PTPRN2: variants seen among roughly 807,000 people sequenced by gnomAD.
The protein encoded by PTPRN2 is protein tyrosine phosphatase receptor type N2, also known as receptor-type tyrosine-protein phosphatase N2.
A neutral mutation model predicts 118.8 loss-of-function variants in PTPRN2; 74 were observed. That is an observed-to-expected ratio of 0.62 (90% CI 0.52 to 0.76). The LOEUF (loss-of-function observed/expected upper bound fraction) is 0.76, where lower values mean the gene tolerates loss of function less well. PTPRN2 is among the 30% of genes least tolerant of loss of function. PTPRN2 has a pLI of 0.00. For synonymous variants in PTPRN2, 641 were observed against 608.0 expected, an observed-to-expected ratio of 1.05 and a Z score of -0.80; for missense variants, 1,481 against 1,394.4, an observed-to-expected ratio of 1.06 and a Z score of -0.99.
intron 11 of PTPRN2, among the ~76,000 whole-genome samples, chr7:157,934,651 CGAT>C (rs1312071387): frequency 6.6e-6 from 1 of 152,212 alleles, no homozygotes; most frequent in East Asian, 1.9e-4. Flanking sequence ...CTTCACTTGG[CGAT>C]GATGAGCAAA....
chr7:158,319,438 C>T (rs1395006580), intron 2 of PTPRN2, among the ~76,000 whole-genome samples: 12 of 132,214 alleles, frequency 9.1e-5, no homozygotes, highest in African/African-American at 2.1e-4. Context: ...ACACACACAG[C>T]CTCCCTCACA....
chr7:158,094,258 C>T (rs990884192), intron 10 of PTPRN2, among the ~76,000 whole-genome samples: 4 of 152,156 alleles, frequency 2.6e-5, no homozygotes, highest in Admixed American at 6.5e-5. Context: ...AGCAGCAGAA[C>T]GCTCGCCATT....
At chr7:157,669,286 C>A (rs931650460) in intron 13 of PTPRN2, among the ~76,000 whole-genome samples, 3 of 152,258 alleles carry the variant, frequency 2.0e-5, no homozygotes, top group Non-Finnish European at 4.4e-5. Flanking sequence ...TGATCTAAGC[C>A]GGGGACGTCC....
chr7:158,195,775 T>C (rs555952725), intron 4 of PTPRN2, among the ~76,000 whole-genome samples: 8 of 152,368 alleles, frequency 5.3e-5, no homozygotes, highest in Admixed American at 2.0e-4. Flanking sequence ...GTGTCAGTTC[T>C]GTGTCTACAC....
At chr7:157,958,343 TGAG>T (rs1470168013) in intron 11 of PTPRN2, among the ~76,000 whole-genome samples, 5 of 152,084 alleles carry the variant, frequency 3.3e-5, no homozygotes, top group Non-Finnish European at 7.3e-5. Flanking sequence ...AGGAACAATA[TGAG>T]GAGGCCTGCT....
At chr7:158,190,031 C>T (rs980823093) in intron 5 of PTPRN2, among the ~76,000 whole-genome samples, 15 of 152,222 alleles carry the variant, frequency 9.9e-5, no homozygotes, top group East Asian at 1.9e-4. Context: ...TCATCAGAGT[C>T]GGAGACCTCC....
intron 9 of PTPRN2, among the ~76,000 whole-genome samples, chr7:158,117,013 G>GCAAGAAACAAGAAACAAAGAAA (rs1195264656): frequency 1.3e-5 from 2 of 151,916 alleles, no homozygotes; most frequent in Non-Finnish European, 2.9e-5. Context: ...ACAAAAAATT[G>GCAAGAAACAAGAAACAAAGAAA]CAAGAAACAA....
In PTPRN2 at chr7:158,555,250, G is replaced by A. The variant is rs1586932579; in HGVS notation, c.112+32308C>T. On this transcript the variant is annotated intron_variant, in intron 1 of 22. Coordinates refer to ENST00000389418, the MANE Select transcript of PTPRN2 (RefSeq NM_002847.5). This position sits in a 1 kb window ranked among gnomAD's most constrained non-coding sequence, Gnocchi z 4.7. ...TCCATCTTCAGCAGCTCTTACGACT[G>A]CAAGATCCCACAGCTGCCTTTTGGG... 6.6e-6 allele frequency among the ~76,000 whole-genome samples: 1 copy of A among 152,244 alleles called. No individual in the cohort carries two copies. Among genetic ancestry groups the A allele is most frequent in the African/African-American group, 2.4e-5 (1 of 41,462 alleles).
chr7:158,078,616 T>A (rs552279357), intron 11 of PTPRN2, among the ~76,000 whole-genome samples: 31 of 152,316 alleles, frequency 2.0e-4, no homozygotes, highest in African/African-American at 7.5e-4. Context: ...TGCTAAGCAC[T>A]CTCCCAAGGC....
intron 2 of PTPRN2, among the ~76,000 whole-genome samples, chr7:158,430,372 G>A (rs994981179): frequency 2.0e-5 from 3 of 152,270 alleles, no homozygotes; most frequent in African/African-American, 7.2e-5. Flanking sequence ...AGACCCGGAA[G>A]TCGGTACCAC....
chr7:157,597,902 T>C (rs1801440724), intron 16 of PTPRN2, among the ~76,000 whole-genome samples: 1 of 152,280 alleles, frequency 6.6e-6, no homozygotes, highest in Admixed American at 6.5e-5. Flanking sequence ...AGGAGACAAT[T>C]ACATTCATTT....
At chr7:157,589,659 AT>A (rs1391614800) in intron 17 of PTPRN2, among the ~76,000 whole-genome samples, 1 of 152,234 alleles carries the variant, frequency 6.6e-6, no homozygotes, top group East Asian at 1.9e-4. Flanking sequence ...ATTTAGAAGC[AT>A]TGAACAAAAC....
intron 12 of PTPRN2, among the ~76,000 whole-genome samples, chr7:157,684,472 A>G (rs1399364307): frequency 6.7e-6 from 1 of 150,226 alleles, no homozygotes; most frequent in African/African-American, 2.5e-5. Flanking sequence ...AGGGGCGGGA[A>G]CCAGGGGAGC....
At chr7:158,186,787 T>C (rs995982542) in intron 5 of PTPRN2, among the ~76,000 whole-genome samples, 2 of 152,268 alleles carry the variant, frequency 1.3e-5, no homozygotes, top group African/African-American at 4.8e-5. Context: ...TTTTTAATTA[T>C]ATTTTTTGCT....
chr7:158,043,388 A>G (rs1808611213), intron 11 of PTPRN2, among the ~76,000 whole-genome samples: 1 of 151,330 alleles, frequency 6.6e-6, no homozygotes, highest in Non-Finnish European at 1.5e-5. Context: ...CAGGAGGATC[A>G]GGGATCAGGG....
At chr7:158,454,794 G>A (rs186741380) in intron 2 of PTPRN2, among the ~76,000 whole-genome samples, 142 of 152,268 alleles carry the variant, frequency 9.3e-4, no homozygotes, top group Non-Finnish European at 1.6e-3. Context: ...TTGCAATGAC[G>A]AGAGAGCCTC....
At chr7:157,579,399 A>G (rs1390635844) in intron 17 of PTPRN2, among the ~76,000 whole-genome samples, 1 of 152,256 alleles carries the variant, frequency 6.6e-6, no homozygotes, top group Non-Finnish European at 1.5e-5. Flanking sequence ...CAGGCTTTTC[A>G]GGCTTTCAAA....
chr7:158,277,382 G>T (rs1310484920), intron 3 of PTPRN2, among the ~76,000 whole-genome samples: 1 of 152,192 alleles, frequency 6.6e-6, no homozygotes, highest in Non-Finnish European at 1.5e-5. Context: ...AGAGGAATGT[G>T]CTCCAGACGG....
chr7:158,345,830 C>T (rs946868406), intron 2 of PTPRN2, among the ~76,000 whole-genome samples: 1 of 152,018 alleles, frequency 6.6e-6, no homozygotes, highest in Non-Finnish European at 1.5e-5. Context: ...TGGCAAAAGG[C>T]GAAGGAGAAG....
Sources: gnomAD v4.1 joint callset for allele counts (sites outside exome capture counted in the v4.1 genomes callset) on GRCh38, gnomAD v4.1.1 for gene constraint, Gnocchi (gnomAD v3.1) non-coding constraint, MANE v1.5 for transcripts, NCBI Gene and HGNC (gene_info 2026-07-23, HGNC 2026-07-21) for gene names.